Variants in THSD7B observed in about 807,000 individuals in gnomAD.
THSD7B encodes thrombospondin type 1 domain containing 7B.
In THSD7B, 138 loss-of-function variants were observed where a neutral mutation model predicts 213.6. That is an observed-to-expected ratio of 0.65 (90% CI 0.56 to 0.74). THSD7B has a LOEUF of 0.74. Ranked by LOEUF, THSD7B falls within the 30% of genes least tolerant of loss-of-function variation. THSD7B has a pLI of 0.00. For missense variants in THSD7B, 1,931 were observed against 1,991.5 expected (o/e 0.97, Z 0.58); for synonymous variants, 742 against 687.0 (o/e 1.08, Z -1.25).
chr2:137,276,012 G>A lies in THSD7B; in HGVS notation c.2486G>A (p.Gly829Glu). Residue 829 changes from glycine to glutamate, a missense_variant, in exon 12 of 28, where the codon GGG (glycine) becomes GAG (glutamate). Coordinates refer to ENST00000409968, the MANE Select transcript of THSD7B (RefSeq NM_001316349.2). ...ITGSSEACGKGLQTRAVSCIS... is the reference protein window; with the variant it reads ...ITGSSEACGKELQTRAVSCIS... ...GGCAGCAGTGAAGCCTGTGGAAAGG[G>A]GTTACAAACAAGAGGTATGATGATT... The A allele has an allele frequency of 6.2e-7, 1 of 1,610,806 alleles. No individual in the cohort carries two copies. The highest frequency in any genetic ancestry group is 8.5e-7 in the Non-Finnish European group (1 of 1,178,360).
At chr2:136,871,100 CTGGTCTGG>C (rs1683424776) in intron 1 of THSD7B, among the ~76,000 whole-genome samples, 1 of 152,118 alleles carries the variant, frequency 6.6e-6, no homozygotes, top group East Asian at 1.9e-4. Context: ...TCCTGGGCTT[CTGGTCTGG>C]TGAAGTGTGA....
chr2:137,103,327 A>C (rs1688184504), intron 4 of THSD7B, among the ~76,000 whole-genome samples: 1 of 152,226 alleles, frequency 6.6e-6, no homozygotes, highest in African/African-American at 2.4e-5. Flanking sequence ...ACAGACAAGC[A>C]AATGCTGAGA....
chr2:137,395,295 G>T (rs972222529), intron 12 of THSD7B, among the ~76,000 whole-genome samples: 1 of 147,572 alleles, frequency 6.8e-6, no homozygotes, highest in African/African-American at 2.5e-5. Context: ...TATTGGCTGT[G>T]GGTTTGTCAT....
At chr2:136,894,704 T>C (rs1683923404) in intron 2 of THSD7B, among the ~76,000 whole-genome samples, 3 of 152,330 alleles carry the variant, frequency 2.0e-5, no homozygotes, top group South Asian at 2.1e-4. Context: ...TAGAACGTAA[T>C]GTAGTTTGGA....
At chr2:137,448,879 G>A (rs2375462) in intron 14 of THSD7B, among the ~76,000 whole-genome samples, 151,588 of 152,194 alleles carry the variant, frequency 1, 75,498 homozygotes, top group East Asian at 1. Flanking sequence ...AGAATCAGGT[G>A]GAATTGGTCT....
intron 15 of THSD7B, among the ~76,000 whole-genome samples, chr2:137,478,767 C>T (rs1393068684): frequency 6.6e-6 from 1 of 152,092 alleles, no homozygotes; most frequent in Non-Finnish European, 1.5e-5. Context: ...TTGTGTTGGG[C>T]ACTTTGACTT....
chr2:137,315,154 G>A (rs1176808591), intron 12 of THSD7B, among the ~76,000 whole-genome samples: 2 of 152,198 alleles, frequency 1.3e-5, no homozygotes, highest in Non-Finnish European at 2.9e-5. Context: ...CTAGCAATCA[G>A]CGAGACTCCG....
intron 2 of THSD7B, among the ~76,000 whole-genome samples, chr2:137,001,663 C>T (rs4426576): frequency 0.15 from 22,114 of 152,024 alleles, 1,720 homozygotes; most frequent in African/African-American, 0.19. Context: ...ATGCAATGAC[C>T]ATGAAATGCC....
rs750716218 is a variant in THSD7B at position 137,642,491 on chromosome 2, G to A, written c.3803G>A (p.Arg1268Gln). The change falls in exon 21 of 28, where the codon CGA becomes CAA. Residue 1268 changes from arginine to glutamine, a missense_variant. Physicochemically the swap from Arg to Gln is conservative, Grantham distance 43 (BLOSUM62 1). Transcript: ENST00000409968. ...ECSQTCGHGG[R>Q]MSRTRFIIMP... ...GACACCTCCCTTATCATTTTAGGTC[G>A]AATGAGCCGGACTCGATTTATCATT... The A allele has an allele frequency of 4.3e-6, 7 of 1,613,304 alleles. No individual in the cohort carries two copies. The highest frequency in any genetic ancestry group is 2.2e-5 in the East Asian group (1 of 44,850).
At chr2:136,858,413 T>C (rs1238141229) in intron 1 of THSD7B, among the ~76,000 whole-genome samples, 1 of 152,200 alleles carries the variant, frequency 6.6e-6, no homozygotes, top group Non-Finnish European at 1.5e-5. Flanking sequence ...CCATTGTCTA[T>C]TCATGCCACA....
At chr2:136,921,839 G>C (rs1311913297) in intron 2 of THSD7B, among the ~76,000 whole-genome samples, 1 of 152,166 alleles carries the variant, frequency 6.6e-6, no homozygotes, top group Admixed American at 6.5e-5. Flanking sequence ...TGGAAGCTCA[G>C]ATGAATCCTA....
intron 14 of THSD7B, among the ~76,000 whole-genome samples, chr2:137,432,235 C>A (rs530863810): frequency 7.9e-5 from 12 of 151,978 alleles, no homozygotes; most frequent in African/African-American, 2.9e-4. Context: ...TACTAAAATC[C>A]AAAAAATTAG....
At chr2:137,171,207 C>A (rs1329789480) in intron 7 of THSD7B, among the ~76,000 whole-genome samples, 2 of 151,710 alleles carry the variant, frequency 1.3e-5, no homozygotes, top group African/African-American at 4.8e-5. Flanking sequence ...TTTAATTTGT[C>A]AAAAAAACAG....
intron 12 of THSD7B, among the ~76,000 whole-genome samples, chr2:137,362,406 G>C (rs886122109): frequency 6.6e-6 from 1 of 152,120 alleles, no homozygotes; most frequent in Non-Finnish European, 1.5e-5. Context: ...ATGTGAATGG[G>C]CTAAATGCCC....
intron 12 of THSD7B, among the ~76,000 whole-genome samples, chr2:137,375,747 C>A (rs1236612831): frequency 1.3e-5 from 2 of 152,044 alleles, no homozygotes; most frequent in Non-Finnish European, 2.9e-5. Flanking sequence ...CCAGAGAAAC[C>A]AAAGAAGATA....
At chr2:137,603,551 T>C (rs1026296510) in intron 17 of THSD7B, among the ~76,000 whole-genome samples, 1 of 152,180 alleles carries the variant, frequency 6.6e-6, no homozygotes, top group Admixed American at 6.5e-5. Flanking sequence ...AATAATAAAA[T>C]GGTTCTTCTT....
At chr2:137,203,643 A>G (rs1196040891) in intron 7 of THSD7B, among the ~76,000 whole-genome samples, 2 of 152,082 alleles carry the variant, frequency 1.3e-5, no homozygotes, top group African/African-American at 4.8e-5. Context: ...GTTTGCTAAC[A>G]TGCTTAAGAA....
At chr2:137,585,348 G>A (rs111229369) in intron 17 of THSD7B, among the ~76,000 whole-genome samples, 1 of 151,978 alleles carries the variant, frequency 6.6e-6, no homozygotes, top group African/African-American at 2.4e-5. Flanking sequence ...CTTCAGTTCT[G>A]CTCTGATCTT....
intron 17 of THSD7B, among the ~76,000 whole-genome samples, chr2:137,600,303 T>C (rs1381120413): frequency 1.3e-5 from 2 of 152,188 alleles, no homozygotes; most frequent in Non-Finnish European, 2.9e-5. Flanking sequence ...CACATAACAT[T>C]TCAATAATGA....
Sources: allele counts gnomAD v4.1 joint callset (sites outside exome capture counted in the v4.1 genomes callset), GRCh38; gene constraint gnomAD v4.1.1; transcripts MANE v1.5; gene names NCBI Gene and HGNC (gene_info 2026-07-23, HGNC 2026-07-21).